Variants in NFKB1 observed in about 807,000 individuals in gnomAD.
The protein encoded by NFKB1 is nuclear factor kappa B subunit 1.
In NFKB1, 9 loss-of-function variants were observed where a neutral mutation model predicts 105.1. The observed-to-expected ratio is 0.09, with a 90% confidence interval of 0.05 to 0.15. NFKB1 has a LOEUF of 0.15. Ranked by LOEUF, NFKB1 falls within the 10% of genes least tolerant of loss-of-function variation. The pLI is 1.00. For missense variants in NFKB1, 830 were observed against 1,203.7 expected (o/e 0.69, Z 4.59); for synonymous variants, 440 against 442.2 (o/e 1.00, Z 0.06).
At position 102,612,127 on chromosome 4, in the gene NFKB1, C is replaced by A. The variant is rs1295800541; in HGVS notation, c.2419+17C>A. The stretch of plus-strand genomic sequence containing the variant: ...TAGCACAAGGTGGGTTGTGATAAAA[C>A]CAGATTCTCTTAACCATTATTATCT... On this transcript the variant is annotated intron_variant, in intron 21 of 23. Transcript: ENST00000226574. 6.2e-7 allele frequency: 1 copy of A among 1,606,478 alleles called. No homozygotes were observed. Among genetic ancestry groups the A allele is most frequent in the Non-Finnish European group, 8.5e-7 (1 of 1,173,270 alleles).
chr4:102,610,683 T>C lies in NFKB1; in HGVS notation c.2336T>C (p.Met779Thr), dbSNP rs369716580. 4 of 1,614,056 alleles carry C rather than the reference T, an allele frequency of 2.5e-6. No homozygotes were observed. The highest frequency in any genetic ancestry group is 3.4e-6 in the Non-Finnish European group (4 of 1,179,934). The change falls in exon 20 of 24, where the codon ATG (methionine) becomes ACG (threonine). Residue 779 changes from methionine to threonine, a missense_variant. Physicochemically the swap from Met to Thr is moderately conservative, Grantham distance 81. This residue lies in a region of NFKB1 where 418 missense variants were observed against 575.3 expected (regional missense o/e 0.73). Transcript: ENST00000226574. ...GTGCCTGGAACCACGCCTCTAGATA[T>C]GGCCACCAGCTGGCAGGTGAGTGCC... ...GVVPGTTPLD[M>T]ATSWQVFDIL...
chr4:102,520,308 T>G (rs1423997112), intron 1 of NFKB1, among the ~76,000 whole-genome samples: 2 of 152,252 alleles, frequency 1.3e-5, no homozygotes, highest in Non-Finnish European at 2.9e-5. Flanking sequence ...ATATTCCTCT[T>G]TTTATAATTT....
rs904217854 is a variant in NFKB1, at chr4:102,519,439, G to A, written c.-7-6073G>A. On this transcript the variant is annotated intron_variant, in intron 1 of 23. Transcript: ENST00000226574. ...TCATACCATCAGTGAGTATAGACAT[G>A]GTTCAGGGAGAATCTCTTTATTCTC... is the stretch of plus-strand genomic sequence containing the variant. Among the ~76,000 whole-genome samples, 3 of 149,644 alleles carry A rather than the reference G, an allele frequency of 2.0e-5. No individual in the cohort carries two copies. The East Asian group carries it at 5.8e-4, about 29-fold the overall frequency.
intron 11 of NFKB1, among the ~76,000 whole-genome samples, chr4:102,589,264 A>C (rs1380492071): frequency 1.3e-5 from 2 of 152,230 alleles, no homozygotes; most frequent in East Asian, 3.8e-4. Context: ...TTTATTTCTG[A>C]AGATAAATAA....
At position 102,611,323 on chromosome 4, in the gene NFKB1, A is replaced by G. The variant is rs1447829953; in HGVS notation, c.2352+624A>G. On this transcript the variant is annotated intron_variant, in intron 20 of 23. Transcript: ENST00000226574. ...CTAAAACTGCTCATGTGCCTCCCAC[A>G]GCCTGTATGTGTCCAGCTCACTGAC... Among the ~76,000 whole-genome samples, 4 of 138,542 alleles carry G rather than the reference A, an allele frequency of 2.9e-5. No homozygotes were observed. In the South Asian group the frequency reaches 1.0e-3, roughly 35 times the overall value. 90.9% of individuals were successfully genotyped at this position (138,542 alleles called of 152,430 possible).
At chr4:102,596,869 A>G (rs574724592) in intron 14 of NFKB1, among the ~76,000 whole-genome samples, 9 of 152,052 alleles carry the variant, frequency 5.9e-5, no homozygotes, top group Admixed American at 2.0e-4. Context: ...CTATAAAAGC[A>G]AAGGTAGTAA....
intron 3 of NFKB1, among the ~76,000 whole-genome samples, chr4:102,532,366 C>T (rs181527485): frequency 1.3e-5 from 2 of 152,262 alleles, no homozygotes; most frequent in African/African-American, 2.4e-5. Context: ...AGGTGGCTCA[C>T]GCCTGTAATC....
chr4:102,530,843 A>G (rs988706530), intron 3 of NFKB1, among the ~76,000 whole-genome samples: 1 of 152,122 alleles, frequency 6.6e-6, no homozygotes, highest in Non-Finnish European at 1.5e-5. Flanking sequence ...GGAGGGAAAA[A>G]AGTAGATCTA....
chr4:102,600,778 G>A (rs771616948), intron 15 of NFKB1, 117 bp from the exon 16 acceptor site: 70 of 705,150 alleles, frequency 9.9e-5, no homozygotes, highest in South Asian at 4.3e-4. Flanking sequence ...AACATTTTAG[G>A]GCCAAATAAA....
At chr4:102,582,825 A>G (rs1186163043) in intron 9 of NFKB1, 41 bp from the exon 10 acceptor site, 5 of 1,296,094 alleles carry the variant, frequency 3.9e-6, no homozygotes, top group Non-Finnish European at 5.6e-6. Flanking sequence ...AATACTATTT[A>G]CACTATGTGA....
intron 5 of NFKB1, among the ~76,000 whole-genome samples, chr4:102,541,353 C>T (rs556962416): frequency 6.6e-5 from 10 of 152,228 alleles, no homozygotes; most frequent in South Asian, 6.2e-4. Flanking sequence ...ATTTTATAAA[C>T]GTGCCTTTCT....
chr4:102,611,248 T>G (rs553827943), intron 20 of NFKB1, among the ~76,000 whole-genome samples: 1 of 152,212 alleles, frequency 6.6e-6, no homozygotes, highest in South Asian at 2.1e-4. Context: ...GCATGCAAGA[T>G]CTCCAACATG....
intron 1 of NFKB1, among the ~76,000 whole-genome samples, chr4:102,523,254 T>G (rs1740683302): frequency 6.6e-6 from 1 of 152,158 alleles, no homozygotes; most frequent in Non-Finnish European, 1.5e-5. Flanking sequence ...TTGTCTTAAT[T>G]GAGATTTGTT....
intron 11 of NFKB1, among the ~76,000 whole-genome samples, chr4:102,590,723 C>T (rs762115843): frequency 1.9e-4 from 29 of 152,208 alleles, no homozygotes; most frequent in Admixed American, 5.9e-4. Flanking sequence ...TTCCCTATCA[C>T]ACAACCATAT....
At position 102,607,555 on chromosome 4, in the gene NFKB1, T is replaced by C. The variant is rs1727895290; in HGVS notation, c.2125-94T>C. The C allele has an allele frequency of 2.1e-5, 28 of 1,333,980 alleles. No homozygotes were observed. The South Asian group carries it at 3.3e-4, about 16-fold the overall frequency. 82.6% of individuals were successfully genotyped at this position (1,333,980 alleles called of 1,614,324 possible). On this transcript the variant is annotated intron_variant, in intron 18 of 23. Transcript: ENST00000226574. Reference sequence around the variant, plus strand: ...CAGCCCAAAGTAGCAATTGGGCTAGTAATAGGACCCAAGGAGCCATGCACA... The same window carrying C: ...CAGCCCAAAGTAGCAATTGGGCTAGCAATAGGACCCAAGGAGCCATGCACA...
chr4:102,607,524 C>A, intron 18 of NFKB1, 125 bp from the exon 19 acceptor site: 1 of 1,182,712 alleles, frequency 8.5e-7, no homozygotes, highest in Non-Finnish European at 1.2e-6. Flanking sequence ...TCTTCAATGA[C>A]AGAGCCAGCC....
Position 102,538,143 on chromosome 4 carries a change from T to C in NFKB1, c.258+187T>C, listed in dbSNP as rs1741762334. Among the ~76,000 whole-genome samples, 5 of 152,368 alleles carry C rather than the reference T, an allele frequency of 3.3e-5. No homozygotes were observed. The South Asian group carries it at 1.0e-3, about 32-fold the overall frequency. ...AGAAGTGACAGATACTAAAACTTTG[T>C]TAACATTTCAATTTAGTAGAAATGT... On this transcript the variant is annotated intron_variant, in intron 5 of 23. Transcript: ENST00000226574.
chr4:102,608,350 A>T (rs1215251439), intron 19 of NFKB1, among the ~76,000 whole-genome samples: 3 of 152,200 alleles, frequency 2.0e-5, no homozygotes, highest in Admixed American at 6.5e-5. Flanking sequence ...TCCCCATCTT[A>T]GAGTCAAGGA....
intron 16 of NFKB1, 124 bp from the exon 17 acceptor site, chr4:102,606,372 A>G: frequency 1.1e-6 from 1 of 910,656 alleles, no homozygotes; most frequent in Admixed American, 1.9e-5. Context: ...GTCAGAAGTT[A>G]ATCTGGGAAT....
Sources: allele counts gnomAD v4.1 joint callset (sites outside exome capture counted in the v4.1 genomes callset), GRCh38; gene constraint gnomAD v4.1.1; regional missense constraint gnomAD v4.1.1; transcripts MANE v1.5; gene names NCBI Gene and HGNC (gene_info 2026-07-23, HGNC 2026-07-21).